ATP9B: variants seen among roughly 807,000 people sequenced by gnomAD.
ATP9B encodes probable phospholipid-transporting ATPase IIB.
ATP9B carries 110 observed loss-of-function variants against 146.1 expected under a neutral mutation model. The observed-to-expected ratio is 0.75, with a 90% confidence interval of 0.65 to 0.88. ATP9B has a LOEUF of 0.88. Ranked by LOEUF, ATP9B falls within the 40% of genes least tolerant of loss-of-function variation. The pLI is 0.00. For missense variants in ATP9B, 1,499 were observed against 1,496.4 expected (o/e 1.00, Z -0.03); for synonymous variants, 604 against 569.7 (o/e 1.06, Z -0.86).
At chr18:79,075,827 GT>G (rs1371647639) in intron 1 of ATP9B, among the ~76,000 whole-genome samples, 3 of 151,964 alleles carry the variant, frequency 2.0e-5, no homozygotes, top group Non-Finnish European at 4.4e-5. Context: ...TTTGCTTTCT[GT>G]TTTTGTTTCT....
At chr18:79,257,741 A>G (rs1044016854) in intron 12 of ATP9B, among the ~76,000 whole-genome samples, 9 of 152,270 alleles carry the variant, frequency 5.9e-5, no homozygotes, top group African/African-American at 1.7e-4. Flanking sequence ...ATCTCTGTCC[A>G]GCAAACACAT....
At chr18:79,308,198 T>C (rs1417718835) in intron 15 of ATP9B, among the ~76,000 whole-genome samples, 1 of 151,820 alleles carries the variant, frequency 6.6e-6, no homozygotes, top group Non-Finnish European at 1.5e-5. Flanking sequence ...GACTGAGAGG[T>C]TGCAGAGGAA....
At chr18:79,133,896 G>GCTCCAGCTCTGA (rs2094414981) in intron 5 of ATP9B, among the ~76,000 whole-genome samples, 1 of 152,216 alleles carries the variant, frequency 6.6e-6, no homozygotes, top group African/African-American at 2.4e-5. Context: ...TCCTGGCCTG[G>GCTCCAGCTCTGA]CTCCAGCTCT....
chr18:79,071,432 G>A (rs1329532895), intron 1 of ATP9B, among the ~76,000 whole-genome samples: 4 of 39,660 alleles, frequency 1.0e-4, no homozygotes, highest in Admixed American at 4.8e-4. Flanking sequence ...GTCTCACTCT[G>A]TTCTCCTGGC....
chr18:79,218,213 T>A (rs1467975261), intron 11 of ATP9B, among the ~76,000 whole-genome samples: 1 of 152,050 alleles, frequency 6.6e-6, no homozygotes, highest in Non-Finnish European at 1.5e-5. Flanking sequence ...CTTGTCATGT[T>A]TTCCTCGTGT....
intron 15 of ATP9B, among the ~76,000 whole-genome samples, chr18:79,310,208 C>T (rs184339517): frequency 1.3e-3 from 202 of 152,330 alleles, no homozygotes; most frequent in Non-Finnish European, 1.8e-3. Flanking sequence ...TAGGGACAGA[C>T]CGTAGCCGCC....
intron 12 of ATP9B, among the ~76,000 whole-genome samples, chr18:79,270,486 A>T (rs746637561): frequency 6.6e-6 from 1 of 151,834 alleles, no homozygotes; most frequent in Non-Finnish European, 1.5e-5. Context: ...AAAGTCAAGA[A>T]CCAAACAATA....
chr18:79,348,183 T>C lies in ATP9B; in HGVS notation c.2890T>C (p.Phe964Leu). Residue 964 changes from phenylalanine to leucine, a missense_variant, in exon 25 of 30, where the codon TTC becomes CTC. Physicochemically the swap from Phe to Leu is conservative, Grantham distance 22 (BLOSUM62 0). Transcript: ENST00000426216. ...YFASVPLYQG[F>L]LMVGYATIYT... ...CGCATCCGTCCCTTTGTATCAGGGC[T>C]TCCTCATGGTGGGGTAAGTTACACT... is the stretch of plus-strand genomic sequence containing the variant. 1 of 1,607,530 alleles carries C rather than the reference T, an allele frequency of 6.2e-7. No homozygotes were observed. The highest frequency in any genetic ancestry group is 2.3e-5 in the East Asian group (1 of 44,360).
chr18:79,081,534 CTATT>C (rs1240847981), intron 1 of ATP9B, among the ~76,000 whole-genome samples: 2 of 151,286 alleles, frequency 1.3e-5, no homozygotes, highest in South Asian at 2.1e-4. Flanking sequence ...AGTGGTCTAT[CTATT>C]CAGCTAATCT....
At chr18:79,089,256 A>G (rs183346712) in intron 1 of ATP9B, among the ~76,000 whole-genome samples, 1 of 152,322 alleles carries the variant, frequency 6.6e-6, no homozygotes, top group African/African-American at 2.4e-5. Flanking sequence ...ACCTATGGAA[A>G]TGAAAAATTA....
At chr18:79,167,706 C>T (rs1405094267) in intron 7 of ATP9B, among the ~76,000 whole-genome samples, 4 of 152,216 alleles carry the variant, frequency 2.6e-5, no homozygotes, top group Non-Finnish European at 5.9e-5. Context: ...CTAGAAAAAG[C>T]ACTATCCGAT....
At chr18:79,284,392 A>G (rs940704212) in intron 13 of ATP9B, among the ~76,000 whole-genome samples, 2 of 152,144 alleles carry the variant, frequency 1.3e-5, no homozygotes, top group Non-Finnish European at 2.9e-5. Context: ...CAGATAATTA[A>G]CTGATGCATA....
chr18:79,302,636 A>G (rs977998642), intron 13 of ATP9B, among the ~76,000 whole-genome samples: 1 of 152,188 alleles, frequency 6.6e-6, no homozygotes, highest in Non-Finnish European at 1.5e-5. Flanking sequence ...ACATGGCCCA[A>G]CTTTTCTGGC....
intron 1 of ATP9B, among the ~76,000 whole-genome samples, chr18:79,071,277 GTATCAGA>G (rs2071738239): frequency 6.6e-6 from 1 of 150,946 alleles, no homozygotes; most frequent in South Asian, 2.1e-4. Context: ...CATGTCCTGG[GTATCAGA>G]TGGTGTTACA....
chr18:79,253,000 GTC>G (rs948235613), intron 11 of ATP9B, among the ~76,000 whole-genome samples: 4 of 152,206 alleles, frequency 2.6e-5, no homozygotes, highest in African/African-American at 9.6e-5. Flanking sequence ...GCCCTCAGAA[GTC>G]TCTGTTCCCG....
Position 79,183,573 on chromosome 18 carries a change from C to T in ATP9B, c.873+6666C>T, listed in dbSNP as rs570893791. On this transcript the variant is annotated intron_variant, in intron 8 of 29. Transcript: ENST00000426216. ...TATTTTCCAATGTTTCTAAATACTT[C>T]GTTTATAGTTTCTGTTGCCCATATA... Among the ~76,000 whole-genome samples, 27 of 152,034 alleles carry T rather than the reference C, an allele frequency of 1.8e-4. No individual in the cohort carries two copies. The South Asian group carries it at 5.0e-3, about 28-fold the overall frequency.
intron 15 of ATP9B, among the ~76,000 whole-genome samples, chr18:79,327,411 T>C (rs1210968073): frequency 6.6e-6 from 1 of 151,690 alleles, no homozygotes; most frequent in Non-Finnish European, 1.5e-5. Context: ...TGCAGTGGTG[T>C]GGGACGTTGC....
chr18:79,211,797 T>A (rs1035524653), intron 10 of ATP9B, among the ~76,000 whole-genome samples: 1 of 152,222 alleles, frequency 6.6e-6, no homozygotes, highest in African/African-American at 2.4e-5. Context: ...TCTACCAACA[T>A]GGTCCTGAAC....
At chr18:79,228,637 G>A (rs943791277) in intron 11 of ATP9B, among the ~76,000 whole-genome samples, 1 of 152,122 alleles carries the variant, frequency 6.6e-6, no homozygotes, top group African/African-American at 2.4e-5. Flanking sequence ...AATAAATAAT[G>A]ATTTACTCAA....
Sources: gnomAD v4.1 joint callset for allele counts (sites outside exome capture counted in the v4.1 genomes callset) on GRCh38, gnomAD v4.1.1 for gene constraint, MANE v1.5 for transcripts, NCBI Gene and HGNC (gene_info 2026-07-23, HGNC 2026-07-21) for gene names.